RBMS3: variants seen among roughly 807,000 people sequenced by gnomAD.
The protein encoded by RBMS3 is RNA binding motif single stranded interacting protein 3, also known as RNA-binding motif, single-stranded-interacting protein 3.
A neutral mutation model predicts 66.8 loss-of-function variants in RBMS3; 27 were observed. The observed-to-expected ratio is 0.40, with a 90% CI of 0.30 to 0.56. The LOEUF (loss-of-function observed/expected upper bound fraction) is 0.56, where lower values mean the gene tolerates loss of function less well. Among genes scored for constraint, RBMS3 ranks in the 20% least tolerant of loss-of-function variants. The pLI is 0.40. For missense variants in RBMS3, 513 were observed against 549.5 expected, an observed-to-expected ratio of 0.93 and a Z score of 0.66; for synonymous variants, 188 against 183.0, an observed-to-expected ratio of 1.03 and a Z score of -0.22.
rs552932570 is a variant in RBMS3 at position 29,994,362 on chromosome 3, C to T, written c.1307+3153C>T. 6.2e-4 allele frequency among the ~76,000 whole-genome samples: 94 copies of T among 152,356 alleles called. 1 individual carries two copies. Among genetic ancestry groups the T allele is most frequent in the Admixed American group, 2.9e-3 (44 of 15,308 alleles). On this transcript the variant is annotated intron_variant, in intron 14 of 14. Transcript: ENST00000383767. Reference sequence around the variant, plus strand: ...GCAGTGAGGCTGGGGGAGGGGCACCCGCCATTGCCCAGGCTTGATTAGGTA... The same window carrying T: ...GCAGTGAGGCTGGGGGAGGGGCACCTGCCATTGCCCAGGCTTGATTAGGTA...
chr3:29,464,281 T>TGGAAA (rs2042466897), intron 2 of RBMS3, among the ~76,000 whole-genome samples: 1 of 152,212 alleles, frequency 6.6e-6, no homozygotes, highest in Admixed American at 6.5e-5. Context: ...TGAGAAATGA[T>TGGAAA]AGGTGGTTGG....
At chr3:29,314,044 T>G (rs145765294) in intron 1 of RBMS3, among the ~76,000 whole-genome samples, 5 of 151,710 alleles carry the variant, frequency 3.3e-5, no homozygotes, top group African/African-American at 1.2e-4. Flanking sequence ...TTGTCTACTT[T>G]GCAGTACTGT....
intron 6 of RBMS3, among the ~76,000 whole-genome samples, chr3:29,792,437 C>A (rs1397171643): frequency 6.6e-6 from 1 of 152,160 alleles, no homozygotes; most frequent in East Asian, 1.9e-4. Context: ...CTGAAACTCA[C>A]TGAATTTTCT....
At chr3:29,641,674 T>C (rs985486682) in intron 4 of RBMS3, among the ~76,000 whole-genome samples, 1 of 152,092 alleles carries the variant, frequency 6.6e-6, no homozygotes, top group Non-Finnish European at 1.5e-5. Context: ...TTCTCTCTTG[T>C]ATACTGTATG....
At chr3:29,315,983 T>G (rs1387673306) in intron 1 of RBMS3, among the ~76,000 whole-genome samples, 2 of 151,782 alleles carry the variant, frequency 1.3e-5, no homozygotes, top group Admixed American at 1.3e-4. Context: ...TTATGATGAA[T>G]TTACTTTAGA....
chr3:29,707,007 T>G (rs1319066102), intron 4 of RBMS3, among the ~76,000 whole-genome samples: 1 of 152,168 alleles, frequency 6.6e-6, no homozygotes, highest in African/African-American at 2.4e-5. Context: ...GGCAAATTAA[T>G]GGAGAGGGGT....
intron 1 of RBMS3, among the ~76,000 whole-genome samples, chr3:29,431,525 T>G (rs2041200010): frequency 1.3e-5 from 2 of 151,924 alleles, no homozygotes; most frequent in South Asian, 4.1e-4. Flanking sequence ...TCTCCCGACC[T>G]TGTGATCCGC....
intron 3 of RBMS3, among the ~76,000 whole-genome samples, chr3:29,491,720 G>A (rs764467289): frequency 1.1e-4 from 16 of 152,178 alleles, no homozygotes; most frequent in East Asian, 1.9e-4. Flanking sequence ...TAGGCCGGGC[G>A]CAGTGGCTCA....
intron 10 of RBMS3, among the ~76,000 whole-genome samples, chr3:29,912,309 G>C (rs2060536442): frequency 6.6e-6 from 1 of 152,016 alleles, no homozygotes; most frequent in South Asian, 2.1e-4. Context: ...CAAGCTTCCA[G>C]GTGCCGTTAG....
chr3:29,514,667 A>G (rs1262714337), intron 3 of RBMS3, among the ~76,000 whole-genome samples: 4 of 144,176 alleles, frequency 2.8e-5, no homozygotes, highest in South Asian at 4.4e-4. Context: ...ATATATATAT[A>G]TATATATATA....
chr3:29,775,528 G>A (rs1228927862), intron 6 of RBMS3, among the ~76,000 whole-genome samples: 2 of 151,968 alleles, frequency 1.3e-5, no homozygotes, highest in Non-Finnish European at 1.5e-5. Flanking sequence ...CCACAATTTA[G>A]GGAGAGTTTA....
rs1284738915 is a variant in RBMS3, at chr3:29,914,507, T to C, written c.939+14752T>C. Among the ~76,000 whole-genome samples the C allele has an allele frequency of 2.0e-5, 3 of 152,006 alleles. No homozygotes were observed. In the East Asian group the frequency reaches 5.8e-4, roughly 29 times the overall value. On this transcript the variant is annotated intron_variant, in intron 10 of 14. Transcript: ENST00000383767. Reference sequence around the variant, plus strand: ...CATGCTTGATCTATGCAATAGCTAGTGTTGTGCATACGCTGAGGTTACCTT... The same window carrying C: ...CATGCTTGATCTATGCAATAGCTAGCGTTGTGCATACGCTGAGGTTACCTT...
chr3:29,783,232 C>T (rs2056700104), intron 6 of RBMS3, among the ~76,000 whole-genome samples: 1 of 152,094 alleles, frequency 6.6e-6, no homozygotes, highest in Middle Eastern at 3.2e-3. Context: ...AGATCATCAC[C>T]TAGGCACATT....
chr3:29,959,623 G>A (rs747629589), intron 12 of RBMS3, among the ~76,000 whole-genome samples: 11 of 152,088 alleles, frequency 7.2e-5, no homozygotes, highest in African/African-American at 2.4e-4. Context: ...ATGATGCTGC[G>A]AAGAATTACT....
At chr3:29,886,998 T>C (rs1401639137) in intron 8 of RBMS3, among the ~76,000 whole-genome samples, 1 of 151,768 alleles carries the variant, frequency 6.6e-6, no homozygotes, top group Non-Finnish European at 1.5e-5. Flanking sequence ...ACACACCCAG[T>C]CTTTACTCAT....
intron 3 of RBMS3, among the ~76,000 whole-genome samples, chr3:29,551,209 T>C (rs1186631972): frequency 6.6e-6 from 1 of 152,176 alleles, no homozygotes; most frequent in East Asian, 1.9e-4. Flanking sequence ...ATTTTTCTGA[T>C]CACATTTTGA....
At chr3:29,533,074 A>G (rs1290264171) in intron 3 of RBMS3, among the ~76,000 whole-genome samples, 3 of 152,182 alleles carry the variant, frequency 2.0e-5, no homozygotes, top group Admixed American at 1.3e-4. Context: ...TATGCCAGTC[A>G]ATTATGAAGT....
At chr3:29,484,556 C>A (rs1255701676) in intron 2 of RBMS3, among the ~76,000 whole-genome samples, 1 of 152,148 alleles carries the variant, frequency 6.6e-6, no homozygotes, top group African/African-American at 2.4e-5. Flanking sequence ...GTGAGGATTA[C>A]AATTTTAACA....
chr3:29,509,023 C>T (rs528552413), intron 3 of RBMS3, among the ~76,000 whole-genome samples: 1 of 149,944 alleles, frequency 6.7e-6, no homozygotes, highest in Admixed American at 6.6e-5. Context: ...TGTTCATATC[C>T]TTTGCCCACT....
Sources: gnomAD v4.1 joint callset for allele counts (sites outside exome capture counted in the v4.1 genomes callset) on GRCh38, gnomAD v4.1.1 for gene constraint, MANE v1.5 for transcripts, NCBI Gene and HGNC (gene_info 2026-07-23, HGNC 2026-07-21) for gene names.